CELF4: variants seen among roughly 807,000 people sequenced by gnomAD.
The protein encoded by CELF4 is CUG-BP- and ETR-3-like factor 4.
Under a neutral mutation model 59.9 loss-of-function variants are expected in CELF4, and 18 were observed. The observed-to-expected ratio is 0.30, with a 90% CI of 0.21 to 0.45. The LOEUF is 0.45. CELF4 is among the 20% of genes least tolerant of loss of function. The pLI, the probability that CELF4 is intolerant of heterozygous loss-of-function variation, is 1.00. For synonymous variants in CELF4, 261 were observed against 267.1 expected (o/e 0.98, Z 0.22); for missense variants, 456 against 689.0 (o/e 0.66, Z 3.79).
intron 2 of CELF4, among the ~76,000 whole-genome samples, chr18:37,410,091 C>G (rs1011807000): frequency 2.0e-5 from 3 of 152,132 alleles, no homozygotes; most frequent in Non-Finnish European, 2.9e-5. Flanking sequence ...TGCCACTCCC[C>G]GTGCCGATGT....
intron 2 of CELF4, among the ~76,000 whole-genome samples, chr18:37,405,442 A>G (rs781765613): frequency 5.3e-5 from 8 of 152,162 alleles, no homozygotes; most frequent in Non-Finnish European, 1.0e-4. Flanking sequence ...TGTGGTGTAC[A>G]CGCCACTTCC....
intron 2 of CELF4, among the ~76,000 whole-genome samples, chr18:37,444,967 G>A (rs927391013): frequency 3.3e-5 from 5 of 152,196 alleles, no homozygotes; most frequent in African/African-American, 1.2e-4. Flanking sequence ...GCCTGCAGAA[G>A]GGCACACACA....
At chr18:37,527,999 G>A (rs1305377618) in intron 1 of CELF4, among the ~76,000 whole-genome samples, 1 of 152,178 alleles carries the variant, frequency 6.6e-6, no homozygotes, top group African/African-American at 2.4e-5. Context: ...CAGACACTTG[G>A]TAGATACTTA....
intron 1 of CELF4, among the ~76,000 whole-genome samples, chr18:37,564,296 C>A (rs182013648): frequency 2.6e-5 from 4 of 152,116 alleles, no homozygotes; most frequent in Non-Finnish European, 5.9e-5. Flanking sequence ...TGTTAGGAAG[C>A]GGAGCACTGG....
chr18:37,446,115 G>C (rs1238651983), intron 2 of CELF4, among the ~76,000 whole-genome samples: 2 of 152,202 alleles, frequency 1.3e-5, no homozygotes, highest in East Asian at 3.9e-4. Flanking sequence ...CACAGACATG[G>C]ATGCTTTGCC....
intron 8 of CELF4, among the ~76,000 whole-genome samples, chr18:37,268,125 T>C (rs1273671844): frequency 6.6e-6 from 1 of 151,946 alleles, no homozygotes; most frequent in Non-Finnish European, 1.5e-5. Context: ...GGACAGTAGG[T>C]TCTATAGCCC....
At chr18:37,264,018 C>A (rs982556923) in intron 10 of CELF4, among the ~76,000 whole-genome samples, 1 of 152,178 alleles carries the variant, frequency 6.6e-6, no homozygotes, top group Non-Finnish European at 1.5e-5. Context: ...CCCTTCCTGA[C>A]CCTCTCAGCC....
intron 2 of CELF4, among the ~76,000 whole-genome samples, chr18:37,333,538 A>G (rs985538934): frequency 6.6e-6 from 1 of 151,850 alleles, no homozygotes; most frequent in Non-Finnish European, 1.5e-5. Flanking sequence ...AAGATGTTGG[A>G]CTCTGTGGGG....
chr18:37,304,383 T>C (rs1244152729), intron 3 of CELF4, among the ~76,000 whole-genome samples: 2 of 152,018 alleles, frequency 1.3e-5, no homozygotes, highest in African/African-American at 4.8e-5. Context: ...TTCCAGACTA[T>C]GGGGAGAAGA....
chr18:37,400,819 A>G (rs2099317520), intron 2 of CELF4, among the ~76,000 whole-genome samples: 1 of 152,226 alleles, frequency 6.6e-6, no homozygotes, highest in Admixed American at 6.5e-5. Context: ...TTCTTTGTTT[A>G]TGAGAGAAAT....
chr18:37,292,000 G>A (rs746443069), intron 3 of CELF4, among the ~76,000 whole-genome samples: 2 of 151,174 alleles, frequency 1.3e-5, no homozygotes, highest in Non-Finnish European at 2.9e-5. Flanking sequence ...TGGATCATCA[G>A]GACAGAGCCC....
At chr18:37,527,287 C>T (rs1273320353) in intron 1 of CELF4, among the ~76,000 whole-genome samples, 9 of 151,844 alleles carry the variant, frequency 5.9e-5, no homozygotes, top group Admixed American at 2.0e-4. Context: ...AGTTTGGATC[C>T]AGCACTAGAG....
chr18:37,326,474 T>C (rs1035983258), intron 2 of CELF4, among the ~76,000 whole-genome samples: 1 of 152,028 alleles, frequency 6.6e-6, no homozygotes, highest in South Asian at 2.1e-4. Context: ...TGGGCTGGGG[T>C]GCAGGAGCCT....
At chr18:37,420,535 G>GGATACCAA (rs1395114208) in intron 2 of CELF4, among the ~76,000 whole-genome samples, 31 of 152,214 alleles carry the variant, frequency 2.0e-4, no homozygotes, top group African/African-American at 7.2e-4. Flanking sequence ...ACCCGTGCTG[G>GGATACCAA]GAGCACTGGG....
intron 2 of CELF4, among the ~76,000 whole-genome samples, chr18:37,374,738 A>T (rs889343811): frequency 6.6e-6 from 1 of 152,182 alleles, no homozygotes; most frequent in Non-Finnish European, 1.5e-5. Flanking sequence ...GAAGGGAGGC[A>T]CAGAGTGGAT....
Position 37,565,426 on chromosome 18 carries a change from G to C in CELF4, c.216C>G (p.Pro72=), listed in dbSNP as rs374672404. The change falls in exon 1 of 13, where the codon CCC becomes CCG. Residue 72 remains proline (P), a synonymous_variant. Coordinates refer to ENST00000420428, the MANE Select transcript of CELF4 (RefSeq NM_020180.4). The part of the protein sequence containing the change: ...PRNLDEKDLK[P]LFEEFGKIYE... ...AGATTTTGCCAAACTCCTCGAAGAG[G>C]GGCTTGAGGTCCTTCTCATCCAGGT... The C allele has an allele frequency of 1.2e-6, 2 of 1,613,150 alleles. No homozygotes were observed. Among genetic ancestry groups the C allele is most frequent in the South Asian group, 1.1e-5 (1 of 90,968 alleles).
chr18:37,424,436 G>A (rs1282313071), intron 2 of CELF4, among the ~76,000 whole-genome samples: 2 of 152,208 alleles, frequency 1.3e-5, no homozygotes, highest in Admixed American at 1.3e-4. Flanking sequence ...CCAGAGAGCA[G>A]AAGGAGGAGA....
At chr18:37,479,053 G>C (rs1401033751) in intron 2 of CELF4, among the ~76,000 whole-genome samples, 1 of 152,236 alleles carries the variant, frequency 6.6e-6, no homozygotes, top group Non-Finnish European at 1.5e-5. Context: ...TTGAGCTGGA[G>C]TCGGTGCTGA....
chr18:37,488,663 C>G (rs1469998002), intron 1 of CELF4, among the ~76,000 whole-genome samples: 1 of 152,264 alleles, frequency 6.6e-6, no homozygotes, highest in African/African-American at 2.4e-5. Context: ...CCCCTTCACC[C>G]CCAAGTTGAT....
Sources: gnomAD v4.1 joint callset for allele counts (sites outside exome capture counted in the v4.1 genomes callset) on GRCh38, gnomAD v4.1.1 for gene constraint, MANE v1.5 for transcripts, NCBI Gene and HGNC (gene_info 2026-07-23, HGNC 2026-07-21) for gene names.